Variants in MTOR observed in about 807,000 individuals in gnomAD.
The protein encoded by MTOR is serine/threonine-protein kinase mTOR.
In MTOR, 70 loss-of-function variants were observed where a neutral mutation model predicts 319.8. That is an observed-to-expected ratio of 0.22 (90% confidence interval 0.18 to 0.27). The LOEUF is 0.27. Among genes scored for constraint, MTOR ranks in the 10% least tolerant of loss-of-function variants. MTOR has a pLI of 1.00. For synonymous variants in MTOR, 1,183 were observed against 1,211.4 expected (o/e 0.98, Z 0.49); for missense variants, 1,890 against 3,274.4 (o/e 0.58, Z 10.32).
chr1:11,255,076 TTATTAA>T (rs1650185191), intron 5 of MTOR, among the ~76,000 whole-genome samples: 1 of 152,102 alleles, frequency 6.6e-6, no homozygotes, highest in South Asian at 2.1e-4. Context: ...TTATAATTAA[TTATTAA>T]TAAGAAGAAG....
chr1:11,107,675 C>T (rs1441343129), intron 57 of MTOR, among the ~76,000 whole-genome samples, 175 bp from the exon 58 acceptor site: 1 of 152,174 alleles, frequency 6.6e-6, no homozygotes, highest in Non-Finnish European at 1.5e-5. Context: ...CTAATGCCCA[C>T]CGAGGTCCCG....
intron 8 of MTOR, among the ~76,000 whole-genome samples, chr1:11,243,571 C>T (rs1170320258): frequency 6.6e-6 from 1 of 151,620 alleles, no homozygotes; most frequent in Non-Finnish European, 1.5e-5. Flanking sequence ...GCCTGTAATC[C>T]CAGCTACTCG....
rs148721862 is a variant in MTOR at position 11,109,412 on chromosome 1, A to G, written c.7448-42T>C. 3 of 1,581,042 alleles carry G rather than the reference A, an allele frequency of 1.9e-6. No homozygotes were observed. The highest frequency in any genetic ancestry group is 4.5e-5 in the East Asian group (2 of 44,740). On this transcript the variant is annotated intron_variant, in intron 55 of 57. Transcript: ENST00000361445. This position sits in a 1 kb window ranked among gnomAD's most constrained non-coding sequence, Gnocchi z 4.0. ...TAGAAATAACTGTAAGAATGGGAGC[A>G]ATACAACAGGTTCAATGGGTGCCCT...
chr1:11,159,501 C>T (rs540716855), intron 29 of MTOR, among the ~76,000 whole-genome samples: 131 of 152,108 alleles, frequency 8.6e-4, no homozygotes, highest in Middle Eastern at 3.4e-3. Flanking sequence ...ATTAGCTGAG[C>T]GTGGTGGTGC....
chr1:11,116,028 T>C (rs1642148101), intron 50 of MTOR, among the ~76,000 whole-genome samples: 1 of 152,212 alleles, frequency 6.6e-6, no homozygotes, highest in Admixed American at 6.5e-5. Flanking sequence ...AAATCTACTA[T>C]TTTTGTGGGG....
intron 29 of MTOR, among the ~76,000 whole-genome samples, chr1:11,166,124 A>C (rs1159457872): frequency 1.3e-5 from 2 of 152,252 alleles, no homozygotes; most frequent in South Asian, 4.1e-4. Context: ...ACAACGTTAG[A>C]CCTAAAACCA....
At chr1:11,130,203 C>T (rs1160233602) in intron 39 of MTOR, among the ~76,000 whole-genome samples, 2 of 152,150 alleles carry the variant, frequency 1.3e-5, no homozygotes, top group Non-Finnish European at 1.5e-5. Flanking sequence ...GAGGATGGAC[C>T]TCCCAAGCCC....
At chr1:11,255,919 G>A (rs1161349905) in intron 5 of MTOR, 73 bp downstream of exon 5, 2 of 1,406,138 alleles carry the variant, frequency 1.4e-6, no homozygotes, top group Admixed American at 2.0e-5. Context: ...AGGGCTTGTG[G>A]CTGCCCTTTA....
At chr1:11,166,179 G>A (rs1463445849) in intron 29 of MTOR, among the ~76,000 whole-genome samples, 1 of 152,150 alleles carries the variant, frequency 6.6e-6, no homozygotes, top group Non-Finnish European at 1.5e-5. Flanking sequence ...TCAGGACATA[G>A]GCATGGGCAA....
intron 26 of MTOR, among the ~76,000 whole-genome samples, chr1:11,202,678 C>T (rs1289159659): frequency 6.6e-6 from 1 of 151,958 alleles, no homozygotes; most frequent in Non-Finnish European, 1.5e-5. Context: ...CTTTTGGAGG[C>T]TGAGGCAGGA....
At chr1:11,238,123 C>T (rs1647458481) in intron 12 of MTOR, 75 bp from the exon 13 acceptor site, 2 of 1,402,660 alleles carry the variant, frequency 1.4e-6, no homozygotes, top group African/African-American at 2.8e-5. Context: ...TCTACCTCCA[C>T]TGCCATCAGC....
At chr1:11,131,030 A>G in intron 38 of MTOR, 1 of 563,710 alleles carries the variant, frequency 1.8e-6, no homozygotes, top group Non-Finnish European at 3.1e-6. Context: ...AGCAGGAGAG[A>G]GCTCTTGCCT....
In MTOR at chr1:11,262,541, A is replaced by C. The variant is rs956514620; in HGVS notation, c.-111T>G. The C allele has an allele frequency of 6.6e-6, 1 of 152,374 alleles. No individual in the cohort carries two copies. The highest frequency in any genetic ancestry group is 6.5e-5 in the Admixed American group (1 of 15,280). 9.4% of individuals were successfully genotyped at this position (152,374 alleles called of 1,614,324 possible). On this transcript the variant is annotated 5_prime_UTR_variant, in exon 1 of 58. Transcript: ENST00000361445. ...CCGCCCGCCTTCCCCGCTGTCCTCTAAGCCGGGAGCGAGGGAAGGAGGGTT... is the reference window on the plus strand; with the variant it reads ...CCGCCCGCCTTCCCCGCTGTCCTCTCAGCCGGGAGCGAGGGAAGGAGGGTT...
In MTOR at chr1:11,240,450, G is replaced by T; in HGVS notation, c.1639C>A (p.Leu547Ile). ...DGLLKMLSLV[L>I]MHKPLRHPGM... ...GGGTGGCGAAGGGGTTTGTGCATAAGGACCAGGGACAGCATTTTCAGTAGC... is the reference window on the plus strand; with the variant it reads ...GGGTGGCGAAGGGGTTTGTGCATAATGACCAGGGACAGCATTTTCAGTAGC... Residue 547 changes from leucine (L) to isoleucine (I), a missense_variant, in exon 11 of 58, where the codon CTT becomes ATT. Around this residue, in one of 15 missense-constraint regions of MTOR, gnomAD observed 418 missense variants for 543.1 expected, o/e 0.77. Transcript: ENST00000361445. The T allele has an allele frequency of 6.2e-7, 1 of 1,614,238 alleles. No individual in the cohort carries two copies. The highest frequency in any genetic ancestry group is 8.5e-7 in the Non-Finnish European group (1 of 1,180,054).
At chr1:11,259,501 C>T (rs1650836516) in intron 1 of MTOR, 78 bp from the exon 2 acceptor site, 1 of 1,443,100 alleles carries the variant, frequency 6.9e-7, no homozygotes, top group African/African-American at 1.5e-5. Flanking sequence ...GGTCACCCAA[C>T]ACAGATCTCC....
intron 18 of MTOR, among the ~76,000 whole-genome samples, chr1:11,230,697 C>T (rs1392472249): frequency 6.6e-6 from 1 of 152,160 alleles, no homozygotes; most frequent in Non-Finnish European, 1.5e-5. Flanking sequence ...ACTTGGCATG[C>T]CAACCCTTGA....
intron 15 of MTOR, chr1:11,232,952 T>C: frequency 1.3e-6 from 1 of 774,806 alleles, no homozygotes; most frequent in Non-Finnish European, 2.3e-6. Context: ...TGCCTGACTC[T>C]GATTCTTGCC....
At chr1:11,259,112 T>G in intron 2 of MTOR, 136 bp downstream of exon 2, 2 of 1,047,960 alleles carry the variant, frequency 1.9e-6, no homozygotes, top group East Asian at 2.8e-5. Context: ...TTTATGGATG[T>G]GACAGGTTGG....
intron 13 of MTOR, among the ~76,000 whole-genome samples, chr1:11,235,379 G>A (rs2100886762): frequency 6.6e-6 from 1 of 152,256 alleles, no homozygotes; most frequent in South Asian, 2.1e-4. Context: ...AGCACTTTAG[G>A]AGGCTGAGGC....
Sources: allele counts gnomAD v4.1 joint callset (sites outside exome capture counted in the v4.1 genomes callset), GRCh38; gene constraint gnomAD v4.1.1; regional missense constraint gnomAD v4.1.1; non-coding constraint Gnocchi (gnomAD v3.1); transcripts MANE v1.5; gene names NCBI Gene and HGNC (gene_info 2026-07-23, HGNC 2026-07-21).